Variants in MACROD2 observed in about 807,000 individuals in gnomAD.
MACROD2 encodes mono-ADP ribosylhydrolase 2.
A neutral mutation model predicts 70.4 loss-of-function variants in MACROD2; 36 were observed. That is an observed-to-expected ratio of 0.51 (90% CI 0.39 to 0.68). The LOEUF (loss-of-function observed/expected upper bound fraction) is 0.68, where lower values mean the gene tolerates loss of function less well. Ranked by LOEUF, MACROD2 falls within the 30% of genes least tolerant of loss-of-function variation. The pLI, the probability that MACROD2 is intolerant of heterozygous loss-of-function variation, is 0.00. For missense variants in MACROD2, 496 were observed against 538.4 expected (o/e 0.92, Z 0.78); for synonymous variants, 172 against 178.8 (o/e 0.96, Z 0.30).
intron 8 of MACROD2, among the ~76,000 whole-genome samples, chr20:15,610,989 A>ATTTTTTTTTT (rs1600665066): frequency 5.0e-5 from 4 of 79,870 alleles, no homozygotes; most frequent in Admixed American, 1.2e-4. Flanking sequence ...TTAGCCAAAA[A>ATTTTTTTTTT]TCTTTTTTTT....
intron 6 of MACROD2, among the ~76,000 whole-genome samples, chr20:15,346,346 C>A (rs971314211): frequency 6.6e-6 from 1 of 152,060 alleles, no homozygotes; most frequent in Non-Finnish European, 1.5e-5. Flanking sequence ...GAAATTGTGA[C>A]GGGGTGGATT....
chr20:14,862,198 A>AAT (rs1200091438), intron 5 of MACROD2, among the ~76,000 whole-genome samples: 3 of 12,174 alleles, frequency 2.5e-4, no homozygotes, highest in African/African-American at 9.6e-4. Context: ...TTTATACATA[A>AAT]ATATATAAAT....
intron 8 of MACROD2, among the ~76,000 whole-genome samples, chr20:15,730,140 T>G (rs2050925905): frequency 6.6e-6 from 1 of 152,178 alleles, no homozygotes; most frequent in Non-Finnish European, 1.5e-5. Flanking sequence ...TGGGTCATGT[T>G]TCTTTATTTG....
intron 6 of MACROD2, among the ~76,000 whole-genome samples, chr20:15,384,346 C>G (rs908564316): frequency 1.3e-5 from 2 of 152,132 alleles, no homozygotes; most frequent in Admixed American, 1.3e-4. Flanking sequence ...CAACCTCCCC[C>G]ACTCCCCAGG....
intron 15 of MACROD2, among the ~76,000 whole-genome samples, chr20:16,028,554 C>T (rs2067111641): frequency 1.3e-5 from 2 of 152,182 alleles, no homozygotes; most frequent in African/African-American, 4.8e-5. Flanking sequence ...TGCTCACCCT[C>T]AGCTATCATC....
At chr20:15,853,041 A>G (rs2064317487) in intron 8 of MACROD2, among the ~76,000 whole-genome samples, 1 of 152,116 alleles carries the variant, frequency 6.6e-6, no homozygotes, top group Admixed American at 6.5e-5. Flanking sequence ...TAATAATAAC[A>G]TGATTTTCAC....
intron 11 of MACROD2, among the ~76,000 whole-genome samples, chr20:15,936,041 G>A (rs1051218904): frequency 6.6e-6 from 1 of 152,056 alleles, no homozygotes; most frequent in South Asian, 2.1e-4. Flanking sequence ...AGATAGGCTA[G>A]AAAATAAGTG....
At chr20:15,674,975 G>A (rs1288538338) in intron 8 of MACROD2, among the ~76,000 whole-genome samples, 1 of 152,124 alleles carries the variant, frequency 6.6e-6, no homozygotes, top group African/African-American at 2.4e-5. Flanking sequence ...GGGGAATAAT[G>A]GGAAATGCAG....
At chr20:15,622,600 A>T (rs2049143921) in intron 8 of MACROD2, among the ~76,000 whole-genome samples, 1 of 152,114 alleles carries the variant, frequency 6.6e-6, no homozygotes, top group Non-Finnish European at 1.5e-5. Context: ...ATGGCATGAG[A>T]TTTCATCACA....
At chr20:14,923,804 C>A (rs992829506) in intron 5 of MACROD2, among the ~76,000 whole-genome samples, 1 of 5,654 alleles carries the variant, frequency 1.8e-4, no homozygotes, top group South Asian at 3.8e-3. Flanking sequence ...GAGGGGGGGG[C>A]GGCGGGGCGG....
intron 6 of MACROD2, among the ~76,000 whole-genome samples, chr20:15,427,890 G>A (rs928861593): frequency 1.3e-5 from 2 of 152,178 alleles, no homozygotes; most frequent in African/African-American, 4.8e-5. Context: ...ATTTGACAAT[G>A]TCTAGAAATA....
At chr20:15,970,959 C>T (rs1392746678) in intron 13 of MACROD2, among the ~76,000 whole-genome samples, 1 of 152,092 alleles carries the variant, frequency 6.6e-6, no homozygotes, top group Non-Finnish European at 1.5e-5. Flanking sequence ...TTGAAAGGAT[C>T]AGAATATTTC....
chr20:15,177,384 G>A (rs1024422093), intron 5 of MACROD2, among the ~76,000 whole-genome samples: 12 of 152,212 alleles, frequency 7.9e-5, no homozygotes, highest in Admixed American at 7.9e-4. Flanking sequence ...GAGTGGAAAG[G>A]GGAAGGTGAA....
chr20:14,073,133 C>T (rs373306004), intron 2 of MACROD2, among the ~76,000 whole-genome samples: 4 of 151,892 alleles, frequency 2.6e-5, no homozygotes, highest in African/African-American at 9.7e-5. Flanking sequence ...GTCAAGAGTT[C>T]GAGACCAGCA....
chr20:14,150,143 T>A (rs995925011), intron 3 of MACROD2, among the ~76,000 whole-genome samples: 1 of 152,118 alleles, frequency 6.6e-6, no homozygotes, highest in Admixed American at 6.5e-5. Context: ...ATTTTTCTTC[T>A]CTCTTTCTCT....
At position 16,006,148 on chromosome 20, in the gene MACROD2, G is replaced by A. The variant is rs1276615440; in HGVS notation, c.1153+18990G>A. On this transcript the variant is annotated intron_variant, in intron 15 of 17. Transcript: ENST00000684519. ...TCCTCCGCCCATCCCTCCTTCTTTA[G>A]GCACTTTAAATTCTCAGAATATTCA... Among the ~76,000 whole-genome samples the A allele has an allele frequency of 2.0e-5, 3 of 152,084 alleles. No homozygotes were observed. In the East Asian group the frequency reaches 5.8e-4, roughly 29 times the overall value.
At chr20:14,726,073 CAA>C (rs1445560215) in intron 5 of MACROD2, among the ~76,000 whole-genome samples, 4 of 152,078 alleles carry the variant, frequency 2.6e-5, no homozygotes, top group African/African-American at 4.8e-5. Flanking sequence ...ATTATTAAAA[CAA>C]GAGAGAATTC....
At chr20:15,152,418 G>A (rs1350585584) in intron 5 of MACROD2, among the ~76,000 whole-genome samples, 2 of 144,506 alleles carry the variant, frequency 1.4e-5, no homozygotes, top group Non-Finnish European at 3.0e-5. Context: ...TTGGGGCATG[G>A]AAATAAGGGG....
At chr20:15,455,004 T>C (rs2046703124) in intron 7 of MACROD2, among the ~76,000 whole-genome samples, 2 of 152,212 alleles carry the variant, frequency 1.3e-5, no homozygotes, top group South Asian at 4.1e-4. Flanking sequence ...ACATTTACTC[T>C]CATTGATGAG....
Sources: gnomAD v4.1 joint callset for allele counts (sites outside exome capture counted in the v4.1 genomes callset) on GRCh38, gnomAD v4.1.1 for gene constraint, MANE v1.5 for transcripts, NCBI Gene and HGNC (gene_info 2026-07-23, HGNC 2026-07-21) for gene names.